GABRG2: variants seen among roughly 807,000 people sequenced by gnomAD.
GABRG2 encodes the protein gamma-aminobutyric acid type A receptor subunit gamma2.
GABRG2 carries 16 observed loss-of-function variants against 56.4 expected under a neutral mutation model. That is an observed-to-expected ratio of 0.28 (90% confidence interval 0.19 to 0.43). The LOEUF (loss-of-function observed/expected upper bound fraction) is 0.43, where lower values mean the gene tolerates loss of function less well. Among genes scored for constraint, GABRG2 ranks in the 20% least tolerant of loss-of-function variants. The pLI is 1.00. For missense variants in GABRG2, 327 were observed against 582.7 expected (o/e 0.56, Z 4.52); for synonymous variants, 208 against 205.5 (o/e 1.01, Z -0.10).
intron 6 of GABRG2, among the ~76,000 whole-genome samples, 194 bp downstream of exon 6, chr5:162,104,220 G>A (rs1761640185): frequency 6.6e-6 from 1 of 151,882 alleles, no homozygotes; most frequent in Admixed American, 6.6e-5. Context: ...CTACCAATAT[G>A]GGAAAATTGG....
At chr5:162,107,728 A>G (rs1048514150) in intron 6 of GABRG2, among the ~76,000 whole-genome samples, 10 of 152,198 alleles carry the variant, frequency 6.6e-5, no homozygotes, top group Non-Finnish European at 1.2e-4. Context: ...ATTGTTCTAT[A>G]TCTGGTAGAA....
rs1272528654 is a variant in GABRG2 at position 162,109,388 on chromosome 5, TAATA to T, written c.769+5363_769+5366del. Reference sequence around the variant, plus strand: ...CACATGTACCCTAGAACTTAAAGTATAATATATATATATATATATATATATATAT... The same window carrying T: ...CACATGTACCCTAGAACTTAAAGTATTATATATATATATATATATATATAT... On this transcript the variant is annotated intron_variant, in intron 6 of 9. Transcript: ENST00000639213. Among the ~76,000 whole-genome samples the T allele has an allele frequency of 3.8e-3, 149 of 39,172 alleles. 5 individuals carry two copies. Among genetic ancestry groups the T allele is most frequent in the African/African-American group, 0.013 (144 of 11,344 alleles). 25.7% of individuals were successfully genotyped at this position (39,172 alleles called of 152,430 possible). A position where few individuals can be genotyped will look rare whatever the true frequency, so the allele number is the denominator to read the frequency against.
In GABRG2 at chr5:162,111,395, A is replaced by C. The variant is rs543785526; in HGVS notation, c.769+7369A>C. 7.9e-4 allele frequency among the ~76,000 whole-genome samples: 121 copies of C among 152,292 alleles called. 1 individual carries two copies. Among genetic ancestry groups the C allele is most frequent in the African/African-American group, 2.6e-3 (109 of 41,576 alleles). ...TAAATTCCAAGGTTGTGTTCACACT[A>C]TCTAGCAGGGAGATAGTTTTTAAGG... is the stretch of plus-strand genomic sequence containing the variant. On this transcript the variant is annotated intron_variant, in intron 6 of 9. Transcript: ENST00000639213.
intron 6 of GABRG2, among the ~76,000 whole-genome samples, chr5:162,120,376 C>T (rs565951745): frequency 2.6e-4 from 39 of 152,194 alleles, no homozygotes; most frequent in African/African-American, 9.4e-4. Flanking sequence ...TAATAGATCA[C>T]ACTCAAAGGG....
At chr5:162,110,597 A>G (rs1221786120) in intron 6 of GABRG2, among the ~76,000 whole-genome samples, 3 of 152,144 alleles carry the variant, frequency 2.0e-5, no homozygotes, top group Non-Finnish European at 4.4e-5. Context: ...CTACAAGTTA[A>G]TGGTACTTTT....
chr5:162,090,245 A>G (rs1760453828), intron 1 of GABRG2, among the ~76,000 whole-genome samples: 3 of 152,040 alleles, frequency 2.0e-5, no homozygotes, highest in Non-Finnish European at 4.4e-5. Flanking sequence ...AACCCATCCC[A>G]ACACATACAC....
chr5:162,151,300 A>G (rs1765356071), intron 8 of GABRG2: 1 of 157,908 alleles, frequency 6.3e-6, no homozygotes. Context: ...TAGCAAGAAA[A>G]TAAACTAGGA....
intron 6 of GABRG2, among the ~76,000 whole-genome samples, chr5:162,104,597 A>G (rs1453728573): frequency 6.6e-6 from 1 of 152,198 alleles, no homozygotes; most frequent in Non-Finnish European, 1.5e-5. Flanking sequence ...CCTAATGTGC[A>G]TTAAAAAAAA....
chr5:162,090,929 A>G (rs1561640764), intron 1 of GABRG2, among the ~76,000 whole-genome samples: 1 of 152,144 alleles, frequency 6.6e-6, no homozygotes, highest in Non-Finnish European at 1.5e-5. Context: ...CATTATTCCT[A>G]GATAGCCTAT....
chr5:162,102,058 T>C (rs1383737402), intron 5 of GABRG2: 1 of 156,860 alleles, frequency 6.4e-6, no homozygotes, highest in Non-Finnish European at 1.4e-5. Context: ...TTTAAAAGTA[T>C]GTTTGTAGAA....
At chr5:162,109,408 A>T (rs1393112052) in intron 6 of GABRG2, among the ~76,000 whole-genome samples, 1 of 135,544 alleles carries the variant, frequency 7.4e-6, no homozygotes, top group African/African-American at 2.9e-5. Flanking sequence ...ATATATATAT[A>T]TATATATATA....
chr5:162,082,040 T>C (rs1759705985), intron 1 of GABRG2, among the ~76,000 whole-genome samples: 1 of 151,888 alleles, frequency 6.6e-6, no homozygotes, highest in Non-Finnish European at 1.5e-5. Context: ...CTAGACAAAA[T>C]GAAGTTTTTT....
intron 1 of GABRG2, among the ~76,000 whole-genome samples, chr5:162,078,714 T>A (rs1277394917): frequency 6.6e-6 from 1 of 151,774 alleles, no homozygotes; most frequent in Non-Finnish European, 1.5e-5. Flanking sequence ...CACCCCGACC[T>A]ATTATTTTTT....
At chr5:162,118,492 T>G (rs1762775657) in intron 6 of GABRG2, among the ~76,000 whole-genome samples, 1 of 152,090 alleles carries the variant, frequency 6.6e-6, no homozygotes, top group Non-Finnish European at 1.5e-5. Context: ...CTGGGTATAA[T>G]TACATAGGTG....
At chr5:162,136,817 G>A (rs1046163363) in intron 6 of GABRG2, among the ~76,000 whole-genome samples, 22 of 152,180 alleles carry the variant, frequency 1.4e-4, no homozygotes, top group Non-Finnish European at 1.6e-4. Flanking sequence ...CTGTCAGAAA[G>A]TTTAATTGTG....
At chr5:162,134,673 A>T (rs188323621) in intron 6 of GABRG2, among the ~76,000 whole-genome samples, 375 of 152,020 alleles carry the variant, frequency 2.5e-3, no homozygotes, top group African/African-American at 8.8e-3. Flanking sequence ...CCACCCTATC[A>T]CCTTTCTTGA....
chr5:162,124,960 G>A (rs879617847), intron 6 of GABRG2, among the ~76,000 whole-genome samples: 11 of 79,154 alleles, frequency 1.4e-4, no homozygotes, highest in Non-Finnish European at 2.3e-4. Context: ...ATAAAGAGAT[G>A]TGTGTGTGTG....
chr5:162,115,002 T>C (rs1762518758), intron 6 of GABRG2, among the ~76,000 whole-genome samples: 1 of 152,026 alleles, frequency 6.6e-6, no homozygotes, highest in Admixed American at 6.6e-5. Context: ...CAGTCTTGCA[T>C]TGTCAATCAA....
rs112085034 is a variant in GABRG2, at chr5:162,142,642, C to T, written c.922+326C>T. 736 of 348,312 alleles carry T rather than the reference C, an allele frequency of 2.1e-3. 8 individuals are homozygous for T. The highest frequency in any genetic ancestry group is 0.014 in the African/African-American group (675 of 46,654). The allele number at this position is 348,312 out of a possible 1,614,324, so 21.6% of individuals were successfully genotyped here. On this transcript the variant is annotated intron_variant, in intron 7 of 9. Transcript: ENST00000639213. ...GAAACCATCATTCTCAGCAAACTAT[C>T]GCAAGGACAAAAAACCAAACACTGC... is the stretch of plus-strand genomic sequence containing the variant.
Sources: gnomAD v4.1 joint callset for allele counts (sites outside exome capture counted in the v4.1 genomes callset) on GRCh38, gnomAD v4.1.1 for gene constraint, MANE v1.5 for transcripts, NCBI Gene and HGNC (gene_info 2026-07-23, HGNC 2026-07-21) for gene names.